COL25A1: variants seen among roughly 807,000 people sequenced by gnomAD.
COL25A1 encodes the protein collagen alpha-1(XXV) chain.
In COL25A1, 103 loss-of-function variants were observed where a neutral mutation model predicts 128.4. That is an observed-to-expected ratio of 0.80 (90% CI 0.68 to 0.94). The LOEUF is 0.94. Among genes scored for constraint, COL25A1 ranks in the 40% least tolerant of loss-of-function variants. The pLI, the probability that COL25A1 is intolerant of heterozygous loss-of-function variation, is 0.00. For missense variants in COL25A1, 745 were observed against 840.0 expected, an observed-to-expected ratio of 0.89 and a Z score of 1.40; for synonymous variants, 279 against 277.2, an observed-to-expected ratio of 1.01 and a Z score of -0.06.
At chr4:109,052,042 C>T (rs1013131694) in intron 3 of COL25A1, among the ~76,000 whole-genome samples, 4 of 152,148 alleles carry the variant, frequency 2.6e-5, no homozygotes, top group African/African-American at 4.8e-5. Flanking sequence ...TTGTACATGT[C>T]TTAGAGGCCT....
chr4:109,020,715 G>A (rs1757661653), intron 5 of COL25A1, among the ~76,000 whole-genome samples: 1 of 152,018 alleles, frequency 6.6e-6, no homozygotes, highest in South Asian at 2.1e-4. Flanking sequence ...ATGTTCATAT[G>A]TGGAACATAA....
chr4:109,226,930 A>C (rs1778844037), intron 3 of COL25A1, among the ~76,000 whole-genome samples: 2 of 152,142 alleles, frequency 1.3e-5, no homozygotes, highest in African/African-American at 4.8e-5. Context: ...CAGATTCATA[A>C]AGAAATTGGT....
At chr4:109,063,724 CCATGAGACTA>C (rs1489214838) in intron 3 of COL25A1, among the ~76,000 whole-genome samples, 7 of 151,976 alleles carry the variant, frequency 4.6e-5, no homozygotes, top group African/African-American at 1.7e-4. Flanking sequence ...CTGCAGCTTA[CCATGAGACTA>C]CATTCACCGG....
At chr4:108,938,273 CA>C (rs1210781165) in intron 10 of COL25A1, among the ~76,000 whole-genome samples, 1 of 152,126 alleles carries the variant, frequency 6.6e-6, no homozygotes, top group African/African-American at 2.4e-5. Flanking sequence ...ATGACATTAT[CA>C]TTTTCTTATA....
intron 3 of COL25A1, among the ~76,000 whole-genome samples, chr4:109,124,500 G>A (rs1247856022): frequency 1.3e-5 from 2 of 151,842 alleles, no homozygotes; most frequent in Non-Finnish European, 2.9e-5. Context: ...ACAAAAGAAT[G>A]TCACATAAAA....
intron 31 of COL25A1, 190 bp from the exon 32 acceptor site, chr4:108,832,623 A>C (rs2125730965): frequency 2.0e-6 from 1 of 498,402 alleles, no homozygotes; most frequent in African/African-American, 2.0e-5. Context: ...AGGATGAAGT[A>C]TATAACTGCA....
intron 21 of COL25A1, among the ~76,000 whole-genome samples, chr4:108,863,087 C>T (rs980037621): frequency 2.0e-5 from 3 of 152,106 alleles, no homozygotes; most frequent in Non-Finnish European, 4.4e-5. Context: ...AATATGACAG[C>T]ACTTCTTTTA....
At chr4:108,917,449 C>T (rs1035418970) in intron 13 of COL25A1, among the ~76,000 whole-genome samples, 4 of 152,158 alleles carry the variant, frequency 2.6e-5, no homozygotes, top group East Asian at 1.9e-4. Flanking sequence ...CCTGACAAAC[C>T]GGCTCAGCAA....
chr4:109,206,216 ATAC>A (rs1776982750), intron 3 of COL25A1, among the ~76,000 whole-genome samples: 1 of 152,148 alleles, frequency 6.6e-6, no homozygotes. Flanking sequence ...GCTTTCTCAT[ATAC>A]TAAAGACAGG....
intron 24 of COL25A1, among the ~76,000 whole-genome samples, chr4:108,853,640 A>T (rs112905461): frequency 0.011 from 1,628 of 152,054 alleles, 33 homozygotes; most frequent in African/African-American, 0.038. Context: ...TACATTAGGT[A>T]TTTCTCCAAA....
intron 3 of COL25A1, among the ~76,000 whole-genome samples, chr4:109,152,863 G>A (rs1311916843): frequency 1.3e-5 from 2 of 152,258 alleles, no homozygotes; most frequent in East Asian, 3.9e-4. Flanking sequence ...CAGGGGCAGG[G>A]AAAGGAATCG....
intron 3 of COL25A1, among the ~76,000 whole-genome samples, chr4:109,129,304 T>C (rs961157314): frequency 3.3e-5 from 5 of 152,140 alleles, no homozygotes; most frequent in African/African-American, 1.2e-4. Flanking sequence ...TAATTTTGTA[T>C]TTTTAGTAGA....
At chr4:108,839,541 A>C (rs540977531) in intron 31 of COL25A1, among the ~76,000 whole-genome samples, 1 of 152,324 alleles carries the variant, frequency 6.6e-6, no homozygotes, top group South Asian at 2.1e-4. Flanking sequence ...ATGTGTGTGC[A>C]CTTTCAGCAC....
chr4:109,082,072 C>T (rs1190325213), intron 3 of COL25A1, among the ~76,000 whole-genome samples: 3 of 152,294 alleles, frequency 2.0e-5, no homozygotes, highest in East Asian at 3.9e-4. Flanking sequence ...GAATCATATA[C>T]TATGTGGTCT....
intron 8 of COL25A1, among the ~76,000 whole-genome samples, chr4:108,962,474 C>T (rs1036992388): frequency 2.0e-5 from 3 of 152,168 alleles, no homozygotes; most frequent in Admixed American, 6.5e-5. Flanking sequence ...CCACTGCACC[C>T]GGCCCTTAAT....
chr4:109,099,249 G>A (rs1490086501), intron 3 of COL25A1, among the ~76,000 whole-genome samples: 1 of 151,970 alleles, frequency 6.6e-6, no homozygotes, highest in African/African-American at 2.4e-5. Context: ...CTTGGGAAAA[G>A]GTAGATGTAA....
intron 32 of COL25A1, among the ~76,000 whole-genome samples, chr4:108,829,445 T>C (rs951361239): frequency 7.2e-5 from 11 of 151,994 alleles, no homozygotes; most frequent in Admixed American, 3.9e-4. Flanking sequence ...CATCTATCTA[T>C]CTGTGTGTGT....
At chr4:109,185,203 T>C (rs887853672) in intron 3 of COL25A1, among the ~76,000 whole-genome samples, 6 of 152,218 alleles carry the variant, frequency 3.9e-5, no homozygotes, top group Non-Finnish European at 8.8e-5. Flanking sequence ...CAGTCAAGGA[T>C]AAGGAAATAC....
intron 8 of COL25A1, among the ~76,000 whole-genome samples, chr4:108,974,036 T>C (rs1468462323): frequency 1.3e-5 from 2 of 152,220 alleles, no homozygotes; most frequent in Non-Finnish European, 2.9e-5. Context: ...CCATATGGCC[T>C]CTATGTTGTG....
Sources: allele counts gnomAD v4.1 joint callset (sites outside exome capture counted in the v4.1 genomes callset), GRCh38; gene constraint gnomAD v4.1.1; transcripts MANE v1.5; gene names NCBI Gene and HGNC (gene_info 2026-07-23, HGNC 2026-07-21).